The following FHIT variants were observed in gnomAD, a reference collection of about 807,000 sequenced individuals.
FHIT encodes fragile histidine triad diadenosine triphosphatase, also known as bis(5'-adenosyl)-triphosphatase.
In FHIT, 19 loss-of-function variants were observed where a neutral mutation model predicts 17.9. The ratio of observed to expected loss-of-function variants is 1.06; its 90% CI spans 0.74 to 1.56. FHIT has a LOEUF of 1.56. Ranked by LOEUF, FHIT falls within the 40% of genes most tolerant of loss-of-function variation. The pLI, the probability that FHIT is intolerant of heterozygous loss-of-function variation, is 0.00. For missense variants in FHIT, 248 were observed against 189.2 expected (o/e 1.31, Z -1.82); for synonymous variants, 81 against 69.7 (o/e 1.16, Z -0.81).
intron 5 of FHIT, among the ~76,000 whole-genome samples, chr3:60,357,049 T>C (rs1699698374): frequency 6.6e-6 from 1 of 152,176 alleles, no homozygotes; most frequent in African/African-American, 2.4e-5. Context: ...AGTCAGGTTC[T>C]AGTTCAAATT....
intron 5 of FHIT, among the ~76,000 whole-genome samples, chr3:60,480,874 T>C (rs2033577642): frequency 6.6e-6 from 1 of 152,218 alleles, no homozygotes. Flanking sequence ...TGTTGGTGGA[T>C]CTACCATTCT....
intron 8 of FHIT, 115 bp from the exon 9 acceptor site, chr3:59,752,436 G>T: frequency 1.6e-6 from 1 of 624,300 alleles, no homozygotes. Context: ...GCCAGTAGGT[G>T]TATCTTTTAA....
At chr3:60,758,049 C>G (rs1699511475) in intron 4 of FHIT, among the ~76,000 whole-genome samples, 1 of 152,144 alleles carries the variant, frequency 6.6e-6, no homozygotes, top group South Asian at 2.1e-4. Context: ...AGCCAGAGAT[C>G]AGAAGGGAGG....
At chr3:59,792,131 G>A (rs1463457164) in intron 8 of FHIT, among the ~76,000 whole-genome samples, 1 of 152,048 alleles carries the variant, frequency 6.6e-6, no homozygotes, top group Non-Finnish European at 1.5e-5. Flanking sequence ...AATCCTAGGT[G>A]CTTTGGAAAT....
At chr3:59,871,877 T>C (rs913223347) in intron 8 of FHIT, among the ~76,000 whole-genome samples, 6 of 152,192 alleles carry the variant, frequency 3.9e-5, no homozygotes, top group Admixed American at 1.3e-4. Context: ...GCAAAGTCTG[T>C]TTCTCTTGCG....
chr3:60,011,382 G>A lies in FHIT; in HGVS notation c.268C>T (p.Gln90Ter). 6.2e-7 allele frequency: 1 copy of A among 1,613,660 alleles called. No homozygotes were observed. Among genetic ancestry groups the A allele is most frequent in the Non-Finnish European group, 8.5e-7 (1 of 1,179,662 alleles). The change falls in exon 7 of 10, where the codon CAG becomes TAG. Residue 90 changes from glutamine (Q) to a stop codon, truncating the protein, a stop_gained. Coordinates refer to ENST00000492590, the MANE Select transcript of FHIT (RefSeq NM_002012.4). LOFTEE classifies it high-confidence loss of function. Reference protein sequence around the residue: ...FSMQDGPEAGQTVKHVHVHVL... With the variant: ...FSMQDGPEAG ...TAATAAGCACTCACCTTCACAGTCT[G>A]TCCGGCTTCGGGGCCATCCTAGAAG...
At chr3:59,980,227 T>C (rs184115993) in intron 7 of FHIT, among the ~76,000 whole-genome samples, 1 of 152,206 alleles carries the variant, frequency 6.6e-6, no homozygotes, top group African/African-American at 2.4e-5. Context: ...GGCATTGGCA[T>C]GAATGTTAAT....
chr3:59,844,134 T>C (rs1168657668), intron 8 of FHIT, among the ~76,000 whole-genome samples: 1 of 152,192 alleles, frequency 6.6e-6, no homozygotes, highest in Non-Finnish European at 1.5e-5. Context: ...GGCACCATGC[T>C]TGTGTGACTT....
At chr3:59,909,681 C>T (rs1253767081) in intron 8 of FHIT, among the ~76,000 whole-genome samples, 2 of 152,150 alleles carry the variant, frequency 1.3e-5, no homozygotes, top group African/African-American at 4.8e-5. Flanking sequence ...AGCTAGCTCA[C>T]ACACACATGT....
Position 60,586,941 on chromosome 3 carries a change from A to G in FHIT, c.-17-49962T>C, listed in dbSNP as rs111642187. Among the ~76,000 whole-genome samples, 181 of 152,188 alleles carry G rather than the reference A, an allele frequency of 1.2e-3. 1 individual carries two copies. The highest frequency in any genetic ancestry group is 4.2e-3 in the African/African-American group (175 of 41,548). On this transcript the variant is annotated intron_variant, in intron 4 of 9. Coordinates refer to ENST00000492590, the MANE Select transcript of FHIT (RefSeq NM_002012.4). ...GAAATAAACTGTACAATAAACCCAC[A>G]TGACATGAGTTTACCTATGTAACAA...
At chr3:60,565,034 G>A (rs1425145524) in intron 4 of FHIT, among the ~76,000 whole-genome samples, 1 of 152,062 alleles carries the variant, frequency 6.6e-6, no homozygotes. Flanking sequence ...CCAACTTTCA[G>A]CAACCACCAC....
intron 5 of FHIT, among the ~76,000 whole-genome samples, chr3:60,494,157 A>G (rs962867735): frequency 6.6e-5 from 10 of 152,180 alleles, no homozygotes; most frequent in Admixed American, 1.3e-4. Flanking sequence ...TGTTTCCAGA[A>G]TGTTTTCATC....
intron 5 of FHIT, among the ~76,000 whole-genome samples, chr3:60,331,127 C>G (rs1006287128): frequency 3.3e-5 from 5 of 152,190 alleles, no homozygotes; most frequent in Non-Finnish European, 7.3e-5. Flanking sequence ...CTCACCTACA[C>G]TATGCTCTAG....
At chr3:60,029,899 G>GTGTGTGTGTGTC (rs1553655743) in intron 5 of FHIT, among the ~76,000 whole-genome samples, 2,418 of 123,152 alleles carry the variant, frequency 0.02, 22 homozygotes, top group Non-Finnish European at 0.028. Context: ...GTGTGTGTCT[G>GTGTGTGTGTGTC]TGTGTGTGTG....
chr3:61,057,019 T>C (rs1411447390), intron 2 of FHIT, among the ~76,000 whole-genome samples: 2 of 152,216 alleles, frequency 1.3e-5, no homozygotes, highest in Non-Finnish European at 2.9e-5. Flanking sequence ...GTCCCAGTAA[T>C]AGCAGCTGGA....
intron 5 of FHIT, among the ~76,000 whole-genome samples, chr3:60,105,443 G>C (rs1192601571): frequency 2.0e-5 from 3 of 152,158 alleles, no homozygotes; most frequent in Non-Finnish European, 4.4e-5. Context: ...TATTTCTTGA[G>C]ACTGAGATAT....
At chr3:60,598,399 A>G (rs947501393) in intron 4 of FHIT, among the ~76,000 whole-genome samples, 5 of 152,278 alleles carry the variant, frequency 3.3e-5, no homozygotes, top group African/African-American at 1.2e-4. Context: ...AGGAGTATTA[A>G]TTTTCCTAAA....
At chr3:60,262,856 A>AC (rs768834185) in intron 5 of FHIT, among the ~76,000 whole-genome samples, 12 of 151,700 alleles carry the variant, frequency 7.9e-5, no homozygotes, top group Non-Finnish European at 1.6e-4. Context: ...AGAAAAAAAG[A>AC]TAAAAAAAAA....
At chr3:60,944,779 T>A (rs1708569153) in intron 3 of FHIT, among the ~76,000 whole-genome samples, 1 of 152,104 alleles carries the variant, frequency 6.6e-6, no homozygotes, top group Non-Finnish European at 1.5e-5. Flanking sequence ...GAAAATTGAG[T>A]CATCATGTGG....
Sources: allele counts gnomAD v4.1 joint callset (sites outside exome capture counted in the v4.1 genomes callset), GRCh38; gene constraint gnomAD v4.1.1; transcripts MANE v1.5; gene names NCBI Gene and HGNC (gene_info 2026-07-23, HGNC 2026-07-21).